The following KCNQ3 variants were observed in gnomAD, a reference collection of about 807,000 sequenced individuals.
KCNQ3 encodes potassium voltage-gated channel subfamily KQT member 3.
In KCNQ3, 30 loss-of-function variants were observed where a neutral mutation model predicts 92.5. The ratio of observed to expected loss-of-function variants is 0.32; its 90% CI spans 0.24 to 0.44. The LOEUF (loss-of-function observed/expected upper bound fraction) is 0.44, where lower values mean the gene tolerates loss of function less well. KCNQ3 is among the 20% of genes least tolerant of loss of function. The pLI is 1.00. For synonymous variants in KCNQ3, 450 were observed against 468.8 expected, an observed-to-expected ratio of 0.96 and a Z score of 0.52; for missense variants, 913 against 1,140.3, an observed-to-expected ratio of 0.80 and a Z score of 2.87.
chr8:132,249,884 C>T (rs1462584691), intron 1 of KCNQ3, among the ~76,000 whole-genome samples: 1 of 152,188 alleles, frequency 6.6e-6, no homozygotes. Context: ...GCACCCTCCG[C>T]AGCTCCTGGC....
At chr8:132,207,097 T>G (rs114710584) in intron 1 of KCNQ3, among the ~76,000 whole-genome samples, 1 of 152,366 alleles carries the variant, frequency 6.6e-6, no homozygotes, top group African/African-American at 2.4e-5. Context: ...AATTGCATGT[T>G]ATTATAAATA....
chr8:132,257,844 G>C (rs561170780), intron 1 of KCNQ3, among the ~76,000 whole-genome samples: 94 of 151,402 alleles, frequency 6.2e-4, no homozygotes, highest in African/African-American at 2.2e-3. Context: ...CCATACAAAT[G>C]GTAACCAATA....
intron 1 of KCNQ3, among the ~76,000 whole-genome samples, chr8:132,231,175 A>G (rs1322894122): frequency 6.6e-6 from 1 of 152,218 alleles, no homozygotes; most frequent in Non-Finnish European, 1.5e-5. Context: ...CTCTCCTAGC[A>G]CAGTCAGAGA....
chr8:132,337,193 G>T (rs1818387658), intron 1 of KCNQ3, among the ~76,000 whole-genome samples: 1 of 152,174 alleles, frequency 6.6e-6, no homozygotes, highest in Non-Finnish European at 1.5e-5. Flanking sequence ...CTCAAGTCAA[G>T]AACTGTAAGG....
chr8:132,235,712 G>A (rs1006247303), intron 1 of KCNQ3, among the ~76,000 whole-genome samples: 5 of 152,196 alleles, frequency 3.3e-5, no homozygotes, highest in South Asian at 2.1e-4. Context: ...CTCCCAGGTC[G>A]GAACGTCTGC....
At chr8:132,211,969 A>C (rs1272189204) in intron 1 of KCNQ3, among the ~76,000 whole-genome samples, 3 of 151,992 alleles carry the variant, frequency 2.0e-5, no homozygotes, top group African/African-American at 7.3e-5. Context: ...AAAAAAAAAA[A>C]AAACTTTTAA....
At chr8:132,314,943 C>T (rs929954309) in intron 1 of KCNQ3, among the ~76,000 whole-genome samples, 13 of 152,142 alleles carry the variant, frequency 8.5e-5, no homozygotes, top group African/African-American at 2.7e-4. Context: ...TTCAGACATT[C>T]GCAAGAAATT....
In KCNQ3 at chr8:132,242,903, G is replaced by A. The variant is rs376154703; in HGVS notation, c.387-56722C>T. 4.8e-3 allele frequency among the ~76,000 whole-genome samples: 737 copies of A among 152,320 alleles called. 7 individuals carry two copies. Among genetic ancestry groups the A allele is most frequent in the African/African-American group, 0.017 (713 of 41,566 alleles). Reference sequence around the variant, plus strand: ...TATAGATAAGCACATAAATCTCTGAGAGAATAAGGAGGTAGCTCTGGGTTT... The same window carrying A: ...TATAGATAAGCACATAAATCTCTGAAAGAATAAGGAGGTAGCTCTGGGTTT... On this transcript the variant is annotated intron_variant, in intron 1 of 14. Transcript: ENST00000388996.
chr8:132,186,956 C>CAGAGACAGAGAG, intron 1 of KCNQ3, among the ~76,000 whole-genome samples: 1 of 94,236 alleles, frequency 1.1e-5, no homozygotes, highest in African/African-American at 4.4e-5. Flanking sequence ...GAGAGAGAGA[C>CAGAGACAGAGAG]AGAGAGAGAG....
intron 1 of KCNQ3, among the ~76,000 whole-genome samples, chr8:132,448,752 G>T (rs1367429732): frequency 6.6e-6 from 1 of 152,200 alleles, no homozygotes; most frequent in Admixed American, 6.5e-5. Context: ...TTCCAAGTAT[G>T]TTGGCATGGG....
intron 1 of KCNQ3, among the ~76,000 whole-genome samples, chr8:132,353,300 A>G (rs1053204277): frequency 4.6e-5 from 7 of 152,094 alleles, no homozygotes; most frequent in Non-Finnish European, 1.0e-4. Flanking sequence ...GAGGGTGGAA[A>G]GAAGGGAAGG....
chr8:132,457,344 T>C (rs1179484195), intron 1 of KCNQ3, among the ~76,000 whole-genome samples: 1 of 152,194 alleles, frequency 6.6e-6, no homozygotes, highest in African/African-American at 2.4e-5. Context: ...CACCGAGGTT[T>C]CTTGCCTAAG....
chr8:132,180,024 T>C, intron 4 of KCNQ3, 133 bp downstream of exon 4: 1 of 1,031,408 alleles, frequency 9.7e-7, no homozygotes, highest in East Asian at 2.5e-5. Context: ...CCTCCTCCTC[T>C]TCCTCTTTGT....
At chr8:132,245,044 T>C (rs1471742169) in intron 1 of KCNQ3, among the ~76,000 whole-genome samples, 1 of 151,782 alleles carries the variant, frequency 6.6e-6, no homozygotes, top group African/African-American at 2.4e-5. Flanking sequence ...ACAATATACA[T>C]ACCTTTTTTT....
At chr8:132,177,256 T>C (rs999446143) in intron 4 of KCNQ3, among the ~76,000 whole-genome samples, 7 of 152,246 alleles carry the variant, frequency 4.6e-5, no homozygotes, top group Non-Finnish European at 8.8e-5. Context: ...AAATGGGTCC[T>C]AATTCTGTAC....
At chr8:132,381,127 A>G (rs1438617919) in intron 1 of KCNQ3, among the ~76,000 whole-genome samples, 1 of 152,174 alleles carries the variant, frequency 6.6e-6, no homozygotes, top group Non-Finnish European at 1.5e-5. Flanking sequence ...TGCTCGATCC[A>G]CCACAAGGTT....
chr8:132,294,838 G>T (rs926840420), intron 1 of KCNQ3, among the ~76,000 whole-genome samples: 1 of 152,100 alleles, frequency 6.6e-6, no homozygotes, highest in African/African-American at 2.4e-5. Flanking sequence ...TGGGCATTTG[G>T]CATATGCAGA....
chr8:132,447,480 A>G (rs1821713509), intron 1 of KCNQ3, among the ~76,000 whole-genome samples: 1 of 152,154 alleles, frequency 6.6e-6, no homozygotes, highest in African/African-American at 2.4e-5. Flanking sequence ...GTGTGTGAGG[A>G]AAGAGACTGA....
At chr8:132,479,029 A>G (rs1822478208) in intron 1 of KCNQ3, among the ~76,000 whole-genome samples, 1 of 152,140 alleles carries the variant, frequency 6.6e-6, no homozygotes, top group Non-Finnish European at 1.5e-5. Context: ...AAACCCTGGT[A>G]CAGTACAGCT....
Sources: gnomAD v4.1 joint callset for allele counts (sites outside exome capture counted in the v4.1 genomes callset) on GRCh38, gnomAD v4.1.1 for gene constraint, MANE v1.5 for transcripts, NCBI Gene and HGNC (gene_info 2026-07-23, HGNC 2026-07-21) for gene names.